Variants in CCDC57 observed in about 807,000 individuals in gnomAD.
CCDC57 encodes the protein coiled-coil domain-containing protein 57.
Under a neutral mutation model 118.9 loss-of-function variants are expected in CCDC57, and 118 were observed. The observed-to-expected ratio is 0.99, with a 90% CI of 0.86 to 1.16. CCDC57 has a LOEUF of 1.16. CCDC57 is among the 50% of genes most tolerant of loss of function. CCDC57 has a pLI of 0.00. For missense variants in CCDC57, 1,300 were observed against 1,320.7 expected (o/e 0.98, Z 0.24); for synonymous variants, 527 against 532.9 (o/e 0.99, Z 0.15).
exon 14 of CCDC57, chr17:82,163,275 G>T: frequency 1.2e-6 from 2 of 1,614,050 alleles, no homozygotes; most frequent in African/African-American, 1.3e-5. Context: ...CCAGTCCAGA[G>T]GATACTGGGC....
chr17:82,158,889 T>TG (rs71166196), intron 14 of CCDC57, among the ~76,000 whole-genome samples: 149,521 of 151,888 alleles, frequency 0.98, 73,644 homozygotes, highest in South Asian at 1. Context: ...GGTCTTGCTC[T>TG]TCGCCCAAGC....
At chr17:82,126,234 T>A (rs7406095) in intron 19 of CCDC57, 3 of 311,098 alleles carry the variant, frequency 9.6e-6, no homozygotes, top group Non-Finnish European at 1.4e-5. Context: ...GAGCTGAGAT[T>A]GCGCCATTGC....
intron 15 of CCDC57, 105 bp from the exon 15 acceptor site, chr17:82,151,878 C>G: frequency 1.0e-6 from 1 of 956,946 alleles, no homozygotes; most frequent in Non-Finnish European, 1.5e-6. Context: ...CCAGGGTGGG[C>G]ACTGCTGGCT....
intron 15 of CCDC57, chr17:82,153,879 T>C (rs1176565564): frequency 6.6e-6 from 1 of 152,356 alleles, no homozygotes; most frequent in African/African-American, 2.4e-5. Flanking sequence ...TCTGCTGAAA[T>C]GTCTTCACGT....
intron 18 of CCDC57, 54 bp downstream of exon 17, chr17:82,128,439 C>G (rs2037808987): frequency 7.6e-7 from 1 of 1,319,618 alleles, no homozygotes; most frequent in African/African-American, 1.5e-5. Context: ...GCCCCGGCTT[C>G]CCTGCTGGCC....
At chr17:82,178,909 A>G in intron 10 of CCDC57, 118 bp downstream of exon 9, 1 of 1,127,812 alleles carries the variant, frequency 8.9e-7, no homozygotes, top group African/African-American at 1.6e-5. Context: ...CTAATTACTC[A>G]GTGAGGTTTA....
At chr17:82,134,392 A>G (rs1453765373) in intron 16 of CCDC57, 198 bp from the exon 16 acceptor site, 9 of 418,878 alleles carry the variant, frequency 2.1e-5, no homozygotes, top group African/African-American at 6.1e-5. Context: ...TGCACACACA[A>G]TGCCACGCCC....
intron 15 of CCDC57, among the ~76,000 whole-genome samples, chr17:82,153,064 G>A (rs532606343): frequency 6.6e-6 from 1 of 152,310 alleles, no homozygotes; most frequent in South Asian, 2.1e-4. Context: ...TCCAGTAAGC[G>A]GGCCTCATGC....
intron 9 of CCDC57, 140 bp from the exon 9 acceptor site, chr17:82,179,329 A>G: frequency 1.1e-6 from 1 of 914,312 alleles, no homozygotes; most frequent in Non-Finnish European, 1.6e-6. Flanking sequence ...CATGCTCCCG[A>G]GCTCCTGTGG....
chr17:82,120,460 C>T (rs1235069518), intron 19 of CCDC57, among the ~76,000 whole-genome samples: 3 of 152,228 alleles, frequency 2.0e-5, no homozygotes, highest in Non-Finnish European at 2.9e-5. Context: ...GTCCTAGTGT[C>T]GGTGCACTGG....
At chr17:82,190,868 C>T (rs922542556) in intron 7 of CCDC57, among the ~76,000 whole-genome samples, 16 of 151,408 alleles carry the variant, frequency 1.1e-4, no homozygotes, top group African/African-American at 3.9e-4. Context: ...CTACACATGG[C>T]GCTCTTTGGA....
intron 9 of CCDC57, among the ~76,000 whole-genome samples, chr17:82,179,848 A>G (rs2045984096): frequency 1.3e-5 from 2 of 152,238 alleles, no homozygotes; most frequent in African/African-American, 4.8e-5. Flanking sequence ...ACGTTATAGT[A>G]TGAAGGACGA....
intron 19 of CCDC57, among the ~76,000 whole-genome samples, chr17:82,110,966 G>A (rs1399246128): frequency 9.9e-5 from 15 of 150,992 alleles, no homozygotes; most frequent in South Asian, 4.2e-4. Context: ...TGGAGGTTGC[G>A]GTGAGCCAAA....
rs2047775541 is a variant in CCDC57 at position 82,192,372 on chromosome 17, G to C, written c.851+1384C>G. ...AACTGTGTTATCAGTAAGGCTTCTG[G>C]TCAACAGTAGGTTCTAAGTAGTTAA... On this transcript the variant is annotated intron_variant, in intron 7 of 19. Transcript: ENST00000665763. The surrounding 1 kb of genome is among the most constrained non-coding windows in gnomAD (Gnocchi z 4.0). Among the ~76,000 whole-genome samples the C allele has an allele frequency of 6.6e-6, 1 of 152,212 alleles. No individual in the cohort carries two copies. The highest frequency in any genetic ancestry group is 1.5e-5 in the Non-Finnish European group (1 of 68,046).
In CCDC57 at chr17:82,128,491, A is replaced by T. The variant is rs922936801; in HGVS notation, c.2682+2T>A. On this transcript the variant is annotated splice_donor_variant, in intron 18 of 19. Coordinates refer to ENST00000665763, the Ensembl canonical transcript of CCDC57. LOFTEE classifies it high-confidence loss of function. ...CACTTGCTCGGGCGCCGCCACTCTC[A>T]CCTTCGGGCCTTGCAGGGCGTCAAG... is the stretch of plus-strand genomic sequence containing the variant. The T allele has an allele frequency of 1.9e-6, 3 of 1,551,210 alleles. No individual in the cohort carries two copies. Among genetic ancestry groups the T allele is most frequent in the Non-Finnish European group, 2.6e-6 (3 of 1,146,310 alleles).
intron 16 of CCDC57, among the ~76,000 whole-genome samples, chr17:82,148,367 G>A (rs1225499726): frequency 1.1e-4 from 1 of 9,246 alleles, no homozygotes; most frequent in Non-Finnish European, 2.1e-4. Flanking sequence ...ATGGATGGGT[G>A]GATGGGTGGG....
intron 16 of CCDC57, among the ~76,000 whole-genome samples, chr17:82,144,166 C>T (rs773123717): frequency 7.9e-5 from 12 of 151,998 alleles, no homozygotes; most frequent in Non-Finnish European, 1.6e-4. Flanking sequence ...GAAGTTGAGC[C>T]GGGCATGATG....
intron 15 of CCDC57, 78 bp from the exon 15 acceptor site, chr17:82,151,851 C>A (rs758360090): frequency 2.4e-6 from 3 of 1,234,730 alleles, no homozygotes; most frequent in Non-Finnish European, 3.3e-6. Context: ...ACCCAAGGAG[C>A]CTCTTCACCT....
chr17:82,203,204 C>T lies in CCDC57; in HGVS notation c.-8-1252G>A, dbSNP rs115514455. On this transcript the variant is annotated intron_variant, in intron 2 of 19. Coordinates refer to ENST00000665763, the Ensembl canonical transcript of CCDC57. ...GTTCTAGTGAGATGTGGCATCTCTC[C>T]ACCACTCACACTCCCCTCTTGCTTC... Among the ~76,000 whole-genome samples the T allele has an allele frequency of 8.3e-3, 1,267 of 152,154 alleles. 12 individuals are homozygous for T. The highest frequency in any genetic ancestry group is 0.029 in the African/African-American group (1,215 of 41,488).
Sources: allele counts gnomAD v4.1 joint callset (sites outside exome capture counted in the v4.1 genomes callset), GRCh38; gene constraint gnomAD v4.1.1; non-coding constraint Gnocchi (gnomAD v3.1); transcripts MANE v1.5; gene names NCBI Gene and HGNC (gene_info 2026-07-23, HGNC 2026-07-21).